The following AAK1 variants were observed in gnomAD, a reference collection of about 807,000 sequenced individuals.
AAK1 encodes AP2 associated kinase 1.
In AAK1, 37 loss-of-function variants were observed where a neutral mutation model predicts 116.0. The ratio of observed to expected loss-of-function variants is 0.32; its 90% CI spans 0.25 to 0.42. The LOEUF is 0.42. AAK1 is among the 10% of genes least tolerant of loss of function. AAK1 has a pLI of 1.00. For synonymous variants in AAK1, 458 were observed against 439.9 expected (o/e 1.04, Z -0.51); for missense variants, 919 against 1,170.6 (o/e 0.79, Z 3.14).
intron 2 of AAK1, among the ~76,000 whole-genome samples, chr2:69,621,128 T>A (rs1202869689): frequency 6.6e-6 from 1 of 152,208 alleles, no homozygotes; most frequent in Admixed American, 6.5e-5. Context: ...TTAGGTGATA[T>A]ACTGGTCCAT....
In AAK1 at chr2:69,468,070, A is replaced by G; in HGVS notation, c.*7799T>C. On this transcript the variant is annotated 3_prime_UTR_variant, in exon 22 of 22. Transcript: ENST00000409085. Reference sequence around the variant, plus strand: ...ATTGGGGCGTTAAGTTAAATTCTGTACTGGTGCCAAATGGCTTTCAGAATA... The same window carrying G: ...ATTGGGGCGTTAAGTTAAATTCTGTGCTGGTGCCAAATGGCTTTCAGAATA... 1.0e-6 allele frequency: 1 copy of G among 985,436 alleles called. No homozygotes were observed. Among genetic ancestry groups the G allele is most frequent in the Non-Finnish European group, 1.2e-6 (1 of 829,924 alleles). The allele number at this position is 985,436 out of a possible 1,614,324, so 61.0% of individuals were successfully genotyped here. A position where few individuals can be genotyped will look rare whatever the true frequency, so the allele number is the denominator to read the frequency against.
At chr2:69,480,264 A>C in intron 19 of AAK1, among the ~76,000 whole-genome samples, 1 of 151,678 alleles carries the variant, frequency 6.6e-6, no homozygotes, top group Admixed American at 6.6e-5. Flanking sequence ...TATGGACAAA[A>C]AAAAAAAAAA....
At chr2:69,598,530 T>C in intron 2 of AAK1, 1 of 153,636 alleles carries the variant, frequency 6.5e-6, no homozygotes, top group Non-Finnish European at 1.5e-5. Flanking sequence ...TTTTTTTTCT[T>C]TTTTTTGAAG....
At position 69,474,849 on chromosome 2, in the gene AAK1, C is replaced by T; in HGVS notation, c.*1020G>A. 2 of 985,582 alleles carry T rather than the reference C, an allele frequency of 2.0e-6. No individual in the cohort carries two copies. Among genetic ancestry groups the T allele is most frequent in the Non-Finnish European group, 2.4e-6 (2 of 829,854 alleles). 61.1% of individuals were successfully genotyped at this position (985,582 alleles called of 1,614,324 possible). A position where few individuals can be genotyped will look rare whatever the true frequency, so the allele number is the denominator to read the frequency against. ...GACACCTGATATCAGACTTGAAATG[C>T]CAAGTGGAAACAGAACTATTCAGCA... On this transcript the variant is annotated 3_prime_UTR_variant, in exon 22 of 22. Coordinates refer to ENST00000409085, the MANE Select transcript of AAK1 (RefSeq NM_014911.5).
chr2:69,555,492 T>C (rs563587265), intron 3 of AAK1, among the ~76,000 whole-genome samples: 44 of 152,350 alleles, frequency 2.9e-4, no homozygotes, highest in Middle Eastern at 3.4e-3. Flanking sequence ...CGGAGCCTGA[T>C]GGGATACCTA....
Position 69,471,127 on chromosome 2 carries a change from G to T in AAK1, c.*4742C>A. On this transcript the variant is annotated 3_prime_UTR_variant, in exon 22 of 22. Transcript: ENST00000409085. Reference sequence around the variant, plus strand: ...ATAAACACACATCCACATGACAAAGGAGAGTGCAATAGGGCAGAGTAGAAT... The same window carrying T: ...ATAAACACACATCCACATGACAAAGTAGAGTGCAATAGGGCAGAGTAGAAT... 3.0e-6 allele frequency: 3 copies of T among 985,750 alleles called. No individual in the cohort carries two copies. In the East Asian group the frequency reaches 3.4e-4, roughly 112 times the overall value. 61.1% of individuals were successfully genotyped at this position (985,750 alleles called of 1,614,324 possible).
intron 2 of AAK1, chr2:69,594,828 C>T (rs951579587): frequency 6.5e-7 from 1 of 1,536,862 alleles, no homozygotes; most frequent in South Asian, 1.1e-5. Flanking sequence ...TTCTCTTAGA[C>T]CTGCAGTTGG....
chr2:69,632,293 G>C (rs1675220439), intron 2 of AAK1, among the ~76,000 whole-genome samples: 1 of 152,150 alleles, frequency 6.6e-6, no homozygotes, highest in South Asian at 2.1e-4. Context: ...CTCTAAAACA[G>C]GCAATTTTGC....
chr2:69,465,592 G>C lies in AAK1; in HGVS notation c.*10277C>G, dbSNP rs1674459147. Reference sequence around the variant, plus strand: ...TAGGCAGCAATGGGCTGGGCTTCTGGACTTGGCTCGTCTTCTGGGCTATAG... The same window carrying C: ...TAGGCAGCAATGGGCTGGGCTTCTGCACTTGGCTCGTCTTCTGGGCTATAG... On this transcript the variant is annotated 3_prime_UTR_variant, in exon 22 of 22. Transcript: ENST00000409085. 1 of 1,291,010 alleles carries C rather than the reference G, an allele frequency of 7.7e-7. No homozygotes were observed. The highest frequency in any genetic ancestry group is 1.0e-6 in the Non-Finnish European group (1 of 988,892). 80.0% of individuals were successfully genotyped at this position (1,291,010 alleles called of 1,614,324 possible).
At chr2:69,535,035 C>G (rs905066997) in intron 5 of AAK1, among the ~76,000 whole-genome samples, 1 of 152,182 alleles carries the variant, frequency 6.6e-6, no homozygotes, top group Non-Finnish European at 1.5e-5. Flanking sequence ...TAAATGTTGC[C>G]GATGAAATCA....
intron 2 of AAK1, among the ~76,000 whole-genome samples, chr2:69,568,558 G>C (rs974367043): frequency 6.0e-5 from 9 of 150,986 alleles, no homozygotes; most frequent in Admixed American, 3.3e-4. Flanking sequence ...AGCTTCCCAA[G>C]TGGCTGAGAC....
Position 69,470,380 on chromosome 2 carries a change from T to A in AAK1, c.*5489A>T. ...AACTGGGGAAATCAAGAGACGTACA[T>A]CAAACTAATAATTACCATGACCTTC... On this transcript the variant is annotated 3_prime_UTR_variant, in exon 22 of 22. Transcript: ENST00000409085. 1.0e-6 allele frequency: 1 copy of A among 985,402 alleles called. No individual in the cohort carries two copies. Among genetic ancestry groups the A allele is most frequent in the Non-Finnish European group, 1.2e-6 (1 of 829,930 alleles). The allele number at this position is 985,402 out of a possible 1,614,324, so 61.0% of individuals were successfully genotyped here. A position where few individuals can be genotyped will look rare whatever the true frequency, so the allele number is the denominator to read the frequency against.
At chr2:69,546,014 A>G (rs1670909812) in intron 3 of AAK1, among the ~76,000 whole-genome samples, 1 of 152,156 alleles carries the variant, frequency 6.6e-6, no homozygotes, top group South Asian at 2.1e-4. Context: ...GATACAGGAC[A>G]GGATGATGAT....
intron 2 of AAK1, among the ~76,000 whole-genome samples, chr2:69,614,189 A>G (rs1317037586): frequency 6.6e-6 from 1 of 152,234 alleles, no homozygotes; most frequent in African/African-American, 2.4e-5. Flanking sequence ...AATTAGTAAA[A>G]TGCCTACTTC....
intron 2 of AAK1, chr2:69,594,845 C>G (rs1167102437): frequency 2.6e-6 from 4 of 1,555,974 alleles, no homozygotes; most frequent in Non-Finnish European, 3.5e-6. Context: ...TTGGGCTCAA[C>G]GCACTCAAGC....
In AAK1 at chr2:69,473,330, C is replaced by T; in HGVS notation, c.*2539G>A. ...CCCTTTGTAGCTCAGGCTATGATTCCACAGGTACCAGGACACTATGCTCAA... is the reference window on the plus strand; with the variant it reads ...CCCTTTGTAGCTCAGGCTATGATTCTACAGGTACCAGGACACTATGCTCAA... On this transcript the variant is annotated 3_prime_UTR_variant, in exon 22 of 22. Coordinates refer to ENST00000409085, the MANE Select transcript of AAK1 (RefSeq NM_014911.5). The T allele has an allele frequency of 1.0e-6, 1 of 985,500 alleles. No individual in the cohort carries two copies. The highest frequency in any genetic ancestry group is 1.2e-6 in the Non-Finnish European group (1 of 829,984). 61.0% of individuals were successfully genotyped at this position (985,500 alleles called of 1,614,324 possible). A position where few individuals can be genotyped will look rare whatever the true frequency, so the allele number is the denominator to read the frequency against.
Position 69,460,092 on chromosome 2 carries a change from C to T in AAK1, c.*15777G>A, listed in dbSNP as rs4441525. 0.39 allele frequency: 59,767 copies of T among 152,026 alleles called. 12,170 individuals carry two copies. Among genetic ancestry groups the T allele is most frequent in the Middle Eastern group, 0.45 (132 of 294 alleles). The allele number at this position is 152,026 out of a possible 1,614,324, so 9.4% of individuals were successfully genotyped here. ...TTCTGCAGCTCTCTTATGTACCTCT[C>T]ATCAAAATAATTTCAGTCCCACATT... On this transcript the variant is annotated 3_prime_UTR_variant, in exon 22 of 22. Coordinates refer to ENST00000409085, the MANE Select transcript of AAK1 (RefSeq NM_014911.5).
intron 21 of AAK1, 139 bp from the exon 22 acceptor site, chr2:69,476,102 C>T: frequency 7.0e-7 from 1 of 1,432,332 alleles, no homozygotes; most frequent in Non-Finnish European, 9.2e-7. Flanking sequence ...CCTAGAGAAG[C>T]AATATTTTAC....
At chr2:69,538,160 G>A (rs1219339128) in intron 5 of AAK1, among the ~76,000 whole-genome samples, 3 of 152,254 alleles carry the variant, frequency 2.0e-5, no homozygotes, top group East Asian at 1.9e-4. Context: ...AACATCAGAT[G>A]CAGAAGGCCA....
Sources: gnomAD v4.1 joint callset for allele counts (sites outside exome capture counted in the v4.1 genomes callset) on GRCh38, gnomAD v4.1.1 for gene constraint, MANE v1.5 for transcripts, NCBI Gene and HGNC (gene_info 2026-07-23, HGNC 2026-07-21) for gene names.